The following PRKACB variants were observed in gnomAD, a reference collection of about 807,000 sequenced individuals.
PRKACB encodes cAMP-dependent protein kinase catalytic subunit beta.
Under a neutral mutation model 51.4 loss-of-function variants are expected in PRKACB, and 16 were observed. The observed-to-expected ratio is 0.31, with a 90% CI of 0.21 to 0.47. PRKACB has a LOEUF of 0.47. Ranked by LOEUF, PRKACB falls within the 20% of genes least tolerant of loss-of-function variation. The pLI, the probability that PRKACB is intolerant of heterozygous loss-of-function variation, is 1.00. For missense variants in PRKACB, 309 were observed against 464.5 expected (o/e 0.67, Z 3.08); for synonymous variants, 147 against 154.4 (o/e 0.95, Z 0.35).
intron 1 of PRKACB, among the ~76,000 whole-genome samples, chr1:84,132,681 T>G (rs541990049): frequency 2.0e-5 from 3 of 151,900 alleles, no homozygotes; most frequent in African/African-American, 7.2e-5. Context: ...AGAGAGACAC[T>G]AAGAAAAGAT....
At chr1:84,128,325 A>T (rs1651835595) in intron 1 of PRKACB, among the ~76,000 whole-genome samples, 1 of 152,148 alleles carries the variant, frequency 6.6e-6, no homozygotes, top group South Asian at 2.1e-4. Flanking sequence ...CATAGAACTG[A>T]CAGCTTTCAT....
chr1:84,177,954 A>G (rs1203760879), intron 1 of PRKACB, among the ~76,000 whole-genome samples: 2 of 152,050 alleles, frequency 1.3e-5, no homozygotes, highest in East Asian at 3.9e-4. Flanking sequence ...ATTTTACAGT[A>G]AAATACAAAG....
chr1:84,099,622 C>G (rs984640027), intron 1 of PRKACB, among the ~76,000 whole-genome samples: 1 of 151,858 alleles, frequency 6.6e-6, no homozygotes, highest in Non-Finnish European at 1.5e-5. Context: ...AAGCTACTTA[C>G]CTGGGCACTT....
At chr1:84,092,142 G>C (rs1648527886) in intron 1 of PRKACB, among the ~76,000 whole-genome samples, 1 of 152,050 alleles carries the variant, frequency 6.6e-6, no homozygotes, top group Admixed American at 6.5e-5. Context: ...TAATTTATAG[G>C]CTAATGAATT....
At chr1:84,141,173 C>G (rs548507620), upstream of PRKACB, among the ~76,000 whole-genome samples, 1 of 151,880 alleles carries the variant, frequency 6.6e-6, no homozygotes, top group African/African-American at 2.4e-5. Context: ...TGATTACTCT[C>G]TAGTTTTAAA....
rs1676713808 is a variant in PRKACB, at chr1:84,236,964, T to A, written c.*1659T>A. 6.6e-6 allele frequency: 1 copy of A among 152,210 alleles called. No homozygotes were observed. Among genetic ancestry groups the A allele is most frequent in the Non-Finnish European group, 1.5e-5 (1 of 68,002 alleles). 9.4% of individuals were successfully genotyped at this position (152,210 alleles called of 1,614,324 possible). On this transcript the variant is annotated 3_prime_UTR_variant, in exon 10 of 10. Coordinates refer to ENST00000370685, the MANE Select transcript of PRKACB (RefSeq NM_182948.4). ...TTGCTTTATTATCGGTGCAGGTAGG[T>A]CATTAACACCACTTCTTTTCATCTG... is the stretch of plus-strand genomic sequence containing the variant.
At chr1:84,193,598 G>C (rs1386548038) in intron 5 of PRKACB, among the ~76,000 whole-genome samples, 12 of 152,140 alleles carry the variant, frequency 7.9e-5, no homozygotes. Flanking sequence ...AGCTGTGATT[G>C]GTGAGTGATG....
chr1:84,204,570 C>T (rs1017002733), intron 8 of PRKACB: 2 of 1,538,930 alleles, frequency 1.3e-6, no homozygotes, highest in East Asian at 2.3e-5. Context: ...AGTGTAGACT[C>T]TCAAGAGGAC....
At chr1:84,217,802 GA>G (rs933992058) in intron 9 of PRKACB, among the ~76,000 whole-genome samples, 6 of 152,048 alleles carry the variant, frequency 3.9e-5, no homozygotes, top group South Asian at 2.1e-4. Context: ...TCTGAAAGAA[GA>G]AAAAAACCCT....
intron 1 of PRKACB, among the ~76,000 whole-genome samples, chr1:84,166,935 T>A (rs1339384424): frequency 6.6e-6 from 1 of 151,598 alleles, no homozygotes; most frequent in African/African-American, 2.4e-5. Flanking sequence ...TCTTTTATCA[T>A]CCCTAAATCT....
At chr1:84,127,098 T>C (rs1651685257) in intron 1 of PRKACB, among the ~76,000 whole-genome samples, 1 of 152,228 alleles carries the variant, frequency 6.6e-6, no homozygotes, top group African/African-American at 2.4e-5. Context: ...TTCTTCCATC[T>C]TTCTGTAAGT....
intron 1 of PRKACB, among the ~76,000 whole-genome samples, chr1:84,079,079 G>A (rs1293697371): frequency 6.6e-6 from 1 of 152,098 alleles, no homozygotes; most frequent in African/African-American, 2.4e-5. Context: ...CGGAAGGTGC[G>A]GGTACTCCAC....
intron 1 of PRKACB, chr1:84,086,359 C>T (rs1416816175): frequency 1.1e-5 from 7 of 641,488 alleles, no homozygotes; most frequent in Non-Finnish European, 1.9e-5. Context: ...TCTGAGCTGG[C>T]GGACTGCCCA....
intron 1 of PRKACB, among the ~76,000 whole-genome samples, chr1:84,172,027 T>C (rs190033572): frequency 7.4e-4 from 112 of 151,754 alleles, no homozygotes; most frequent in Non-Finnish European, 9.7e-4. Flanking sequence ...TACCTAATCT[T>C]TAACAATCAG....
intron 5 of PRKACB, among the ~76,000 whole-genome samples, chr1:84,191,368 G>T (rs1467002391): frequency 1.3e-5 from 2 of 151,974 alleles, no homozygotes; most frequent in Non-Finnish European, 2.9e-5. Context: ...CTTTTGGATT[G>T]TAAGGTATAA....
At chr1:84,109,354 T>TGCA (rs1650030972) in intron 1 of PRKACB, among the ~76,000 whole-genome samples, 1 of 151,962 alleles carries the variant, frequency 6.6e-6, no homozygotes, top group Non-Finnish European at 1.5e-5. Flanking sequence ...GCATGAGGGT[T>TGCA]CTCATTATTT....
intron 9 of PRKACB, among the ~76,000 whole-genome samples, chr1:84,228,895 T>C (rs926972630): frequency 6.6e-6 from 1 of 152,130 alleles, no homozygotes; most frequent in African/African-American, 2.4e-5. Flanking sequence ...GGAGCCAGGA[T>C]TTTGATGCCA....
At chr1:84,125,738 A>C (rs149787410) in intron 1 of PRKACB, among the ~76,000 whole-genome samples, 2 of 152,330 alleles carry the variant, frequency 1.3e-5, no homozygotes, top group South Asian at 4.1e-4. Flanking sequence ...ACAGATATGC[A>C]TATGATTAAA....
chr1:84,134,176 G>A (rs899447680), intron 1 of PRKACB, among the ~76,000 whole-genome samples: 8 of 152,156 alleles, frequency 5.3e-5, no homozygotes, highest in Non-Finnish European at 1.0e-4. Context: ...TCCTCTCCAT[G>A]TTTGGCTGCT....
Sources: gnomAD v4.1 joint callset for allele counts (sites outside exome capture counted in the v4.1 genomes callset) on GRCh38, gnomAD v4.1.1 for gene constraint, MANE v1.5 for transcripts, NCBI Gene and HGNC (gene_info 2026-07-23, HGNC 2026-07-21) for gene names.